Variants in CMSS1 observed in about 807,000 individuals in gnomAD.
CMSS1 encodes protein CMSS1.
Under a neutral mutation model 43.5 loss-of-function variants are expected in CMSS1, and 33 were observed. That is an observed-to-expected ratio of 0.76 (90% CI 0.57 to 1.01). The LOEUF (loss-of-function observed/expected upper bound fraction) is 1.01, where lower values mean the gene tolerates loss of function less well. CMSS1 is among the 50% of genes least tolerant of loss of function. The pLI is 0.00. For synonymous variants in CMSS1, 115 were observed against 117.2 expected (o/e 0.98, Z 0.12); for missense variants, 313 against 326.4 (o/e 0.96, Z 0.32).
intron 1 of CMSS1, among the ~76,000 whole-genome samples, chr3:99,901,224 G>A (rs918239554): frequency 6.6e-6 from 1 of 152,182 alleles, no homozygotes; most frequent in East Asian, 1.9e-4. Context: ...ATGGCTACAC[G>A]TTGAAATAGG....
At chr3:100,127,506 A>G (rs992034616) in intron 1 of CMSS1, among the ~76,000 whole-genome samples, 1 of 152,226 alleles carries the variant, frequency 6.6e-6, no homozygotes, top group Non-Finnish European at 1.5e-5. Flanking sequence ...ACAGCTAGCC[A>G]GGAAATCCTG....
intron 1 of CMSS1, among the ~76,000 whole-genome samples, chr3:100,019,813 TC>T (rs1362502375): frequency 1.3e-5 from 2 of 152,186 alleles, no homozygotes; most frequent in African/African-American, 2.4e-5. Context: ...CATATTGTCA[TC>T]CAACTTCATG....
chr3:100,066,027 C>G (rs1269948695), intron 1 of CMSS1, among the ~76,000 whole-genome samples: 1 of 152,204 alleles, frequency 6.6e-6, no homozygotes, highest in African/African-American at 2.4e-5. Context: ...CCAGATTATT[C>G]TAATGCACAT....
At chr3:100,140,806 GA>G (rs1037641170) in intron 1 of CMSS1, among the ~76,000 whole-genome samples, 13 of 150,662 alleles carry the variant, frequency 8.6e-5, no homozygotes, top group African/African-American at 2.7e-4. Flanking sequence ...AAATATAAAA[GA>G]AAAAAAATTT....
At chr3:99,945,950 A>G (rs558933803) in intron 1 of CMSS1, among the ~76,000 whole-genome samples, 1 of 152,332 alleles carries the variant, frequency 6.6e-6, no homozygotes, top group East Asian at 1.9e-4. Flanking sequence ...ACTCATTCAT[A>G]GCTGTTTTCA....
chr3:100,098,377 AC>A (rs757706865), intron 1 of CMSS1, among the ~76,000 whole-genome samples: 2 of 152,144 alleles, frequency 1.3e-5, no homozygotes, highest in Non-Finnish European at 2.9e-5. Context: ...CAGTTACTGA[AC>A]TTCTCTCAGG....
chr3:99,935,847 TGGTAAG>T (rs1488655561), intron 1 of CMSS1, among the ~76,000 whole-genome samples: 1 of 152,222 alleles, frequency 6.6e-6, no homozygotes, highest in Non-Finnish European at 1.5e-5. Flanking sequence ...TGGTGTATCT[TGGTAAG>T]GATGTGTCCA....
At chr3:100,008,580 G>A (rs953051972) in intron 1 of CMSS1, among the ~76,000 whole-genome samples, 3 of 152,162 alleles carry the variant, frequency 2.0e-5, no homozygotes, top group Non-Finnish European at 4.4e-5. Context: ...ACAAAAAGAA[G>A]GACAATAGCA....
chr3:99,927,438 C>A (rs1165661632), intron 1 of CMSS1, among the ~76,000 whole-genome samples: 1 of 150,904 alleles, frequency 6.6e-6, no homozygotes, highest in African/African-American at 2.4e-5. Context: ...GGCGTGATCT[C>A]AGCTCATCGC....
At chr3:100,122,914 A>T (rs2066633583) in intron 1 of CMSS1, among the ~76,000 whole-genome samples, 1 of 152,204 alleles carries the variant, frequency 6.6e-6, no homozygotes, top group Admixed American at 6.5e-5. Context: ...CTTTACAAAA[A>T]ATTTATTATT....
chr3:99,846,570 T>C (rs1943373069), intron 1 of CMSS1, among the ~76,000 whole-genome samples: 1 of 152,230 alleles, frequency 6.6e-6, no homozygotes, highest in Non-Finnish European at 1.5e-5. Flanking sequence ...ATTCCTAAGA[T>C]AAATGTGTTT....
chr3:99,872,125 C>T (rs1944819719), intron 1 of CMSS1, among the ~76,000 whole-genome samples: 1 of 152,092 alleles, frequency 6.6e-6, no homozygotes, highest in Non-Finnish European at 1.5e-5. Context: ...ATGCAGGGGG[C>T]CCTGGCCCTA....
In CMSS1 at chr3:100,180,241, G is replaced by C. The variant is rs903548656; in HGVS notation, c.*1853G>C. On this transcript the variant is annotated 3_prime_UTR_variant, in exon 10 of 10. Coordinates refer to ENST00000421999, the MANE Select transcript of CMSS1 (RefSeq NM_032359.4). ...GTGCCCTGGAGGCATTTTATCCATT[G>C]TTTTGGCTATTAACATTTGGCTCCT... 6.6e-6 allele frequency: 1 copy of C among 152,228 alleles called. No homozygotes were observed. Among genetic ancestry groups the C allele is most frequent in the African/African-American group, 2.4e-5 (1 of 41,458 alleles). The allele number at this position is 152,228 out of a possible 1,614,324, so 9.4% of individuals were successfully genotyped here. A position where few individuals can be genotyped will look rare whatever the true frequency, so the allele number is the denominator to read the frequency against.
intron 1 of CMSS1, among the ~76,000 whole-genome samples, chr3:100,134,059 G>T (rs768199564): frequency 6.6e-6 from 1 of 152,058 alleles, no homozygotes; most frequent in South Asian, 2.1e-4. Flanking sequence ...CTCTTCCTTG[G>T]GGTTACACTC....
intron 1 of CMSS1, among the ~76,000 whole-genome samples, chr3:100,002,001 GGAAATGC>G (rs1340480581): frequency 2.0e-5 from 3 of 152,126 alleles, no homozygotes; most frequent in Non-Finnish European, 4.4e-5. Context: ...AAGCTTTGTT[GGAAATGC>G]CCCTCTCTGG....
chr3:99,895,188 T>C (rs1706208723), intron 1 of CMSS1, among the ~76,000 whole-genome samples: 1 of 152,122 alleles, frequency 6.6e-6, no homozygotes, highest in African/African-American at 2.4e-5. Flanking sequence ...GCCAGGATGG[T>C]TAAACTTAAC....
At chr3:100,108,436 A>T (rs1469112015) in intron 1 of CMSS1, among the ~76,000 whole-genome samples, 3 of 152,178 alleles carry the variant, frequency 2.0e-5, no homozygotes, top group Non-Finnish European at 4.4e-5. Context: ...ATGGCTGAGG[A>T]AACATGAGGC....
intron 1 of CMSS1, among the ~76,000 whole-genome samples, chr3:100,113,005 T>C (rs908347230): frequency 6.6e-6 from 1 of 152,266 alleles, no homozygotes; most frequent in Non-Finnish European, 1.5e-5. Context: ...GCATTCTCTC[T>C]AGTATTAACT....
intron 1 of CMSS1, among the ~76,000 whole-genome samples, chr3:99,885,250 C>G (rs1240339127): frequency 6.6e-6 from 1 of 152,212 alleles, no homozygotes; most frequent in Non-Finnish European, 1.5e-5. Flanking sequence ...CTCTTTCAGC[C>G]TACTTATTTG....
Sources: allele counts gnomAD v4.1 joint callset (sites outside exome capture counted in the v4.1 genomes callset), GRCh38; gene constraint gnomAD v4.1.1; transcripts MANE v1.5; gene names NCBI Gene and HGNC (gene_info 2026-07-23, HGNC 2026-07-21).